PGAP6: variants seen among roughly 807,000 people sequenced by gnomAD.
The protein encoded by PGAP6 is post-GPI attachment to proteins 6.
A neutral mutation model predicts 68.4 loss-of-function variants in PGAP6; 62 were observed. The observed-to-expected ratio is 0.91, with a 90% CI of 0.74 to 1.12. PGAP6 has a LOEUF of 1.12. Ranked by LOEUF, PGAP6 falls within the 50% of genes most tolerant of loss-of-function variation. PGAP6 has a pLI of 0.00. For missense variants in PGAP6, 1,188 were observed against 1,068.5 expected (o/e 1.11, Z -1.56); for synonymous variants, 575 against 474.0 (o/e 1.21, Z -2.77).
Position 376,467 on chromosome 16 carries a change from A to T in PGAP6, c.905-12T>A, listed in dbSNP as rs1179407286. ...CCGTGGCCTGCAAGCTGCCGAGAGG[A>T]CAAGGGGTTTGGCTGGAGGAAAGTC... On this transcript the variant is annotated splice_polypyrimidine_tract_variant and intron_variant, in intron 5 of 12. Transcript: ENST00000431232. 1 of 1,556,078 alleles carries T rather than the reference A, an allele frequency of 6.4e-7. No individual in the cohort carries two copies. The highest frequency in any genetic ancestry group is 1.2e-5 in the South Asian group (1 of 82,028).
upstream of PGAP6, among the ~76,000 whole-genome samples, chr16:386,510 T>C (rs1270156062): frequency 6.6e-6 from 1 of 152,076 alleles, no homozygotes; most frequent in Non-Finnish European, 1.5e-5. Flanking sequence ...GTGCAGACCG[T>C]AACCCTGTCT....
rs982895491 is a variant in PGAP6 at position 374,808 on chromosome 16, G to A, written c.1524C>T (p.Cys508=). 9.9e-6 allele frequency: 16 copies of A among 1,612,792 alleles called. No homozygotes were observed. Among genetic ancestry groups the A allele is most frequent in the Non-Finnish European group, 1.2e-5 (14 of 1,179,958 alleles). ...GGTAGCTGTGTCTGCGGAGCAGGAG[G>A]CACTGGCCATAGGGTCCACAATCGT... ...CLNDCGPYGQ[C]LLLRRHSYLY... is the part of the protein sequence containing the mutation. The change falls in exon 9 of 13, where the codon TGC becomes TGT. Residue 508 remains cysteine (C), a synonymous_variant. Coordinates refer to ENST00000431232, the MANE Select transcript of PGAP6 (RefSeq NM_021259.3).
At position 376,532 on chromosome 16, in the gene PGAP6, T is replaced by C. The variant is rs1268398417; in HGVS notation, c.904+12A>G. ...GGGGCAGGGCCATCCCTCCAGCCCTTGTGCGGCCCACCTGTGAGGGCAGCT... is the reference window on the plus strand; with the variant it reads ...GGGGCAGGGCCATCCCTCCAGCCCTCGTGCGGCCCACCTGTGAGGGCAGCT... On this transcript the variant is annotated intron_variant, in intron 5 of 12. Coordinates refer to ENST00000431232, the MANE Select transcript of PGAP6 (RefSeq NM_021259.3). 6.5e-7 allele frequency: 1 copy of C among 1,543,642 alleles called. No homozygotes were observed. The highest frequency in any genetic ancestry group is 8.7e-7 in the Non-Finnish European group (1 of 1,143,708).
intron 1 of PGAP6, among the ~76,000 whole-genome samples, chr16:379,186 C>T (rs1191553197): frequency 6.6e-6 from 1 of 152,198 alleles, no homozygotes; most frequent in East Asian, 1.9e-4. Context: ...CCCCTCCCCA[C>T]ACACTCAGGA....
intron 6 of PGAP6, 71 bp from the exon 7 acceptor site, chr16:375,506 C>G: frequency 3.1e-6 from 4 of 1,307,866 alleles, no homozygotes; most frequent in Middle Eastern, 5.0e-4. Context: ...GCCCCACGTG[C>G]CAGCTCAGCC....
At chr16:379,579 G>A (rs2141765296) in intron 1 of PGAP6, among the ~76,000 whole-genome samples, 1 of 152,358 alleles carries the variant, frequency 6.6e-6, no homozygotes, top group African/African-American at 2.4e-5. Flanking sequence ...TGCGGGGGCA[G>A]GCAGGGGAGG....
rs778079702 is a variant in PGAP6, at chr16:376,458, G to A, written c.905-3C>T. 7 of 1,558,840 alleles carry A rather than the reference G, an allele frequency of 4.5e-6. No homozygotes were observed. Among genetic ancestry groups the A allele is most frequent in the Non-Finnish European group, 6.1e-6 (7 of 1,150,296 alleles). On this transcript the variant is annotated splice_region_variant and splice_polypyrimidine_tract_variant and intron_variant, in intron 5 of 12. Coordinates refer to ENST00000431232, the MANE Select transcript of PGAP6 (RefSeq NM_021259.3). ...GGTCACGCTCCGTGGCCTGCAAGCT[G>A]CCGAGAGGACAAGGGGTTTGGCTGG...
upstream of PGAP6, chr16:384,185 C>T (rs1314582350): frequency 6.6e-6 from 1 of 152,616 alleles, no homozygotes; most frequent in Non-Finnish European, 1.5e-5. Flanking sequence ...GGGCCCAAGC[C>T]CCCCTCCTCC....
chr16:378,207 G>GCCATCGCTACCCGC (rs1567325676), intron 1 of PGAP6, among the ~76,000 whole-genome samples: 1 of 53,882 alleles, frequency 1.9e-5, no homozygotes, highest in Admixed American at 1.8e-4. Context: ...TCGCCACCCT[G>GCCATCGCTACCCGC]ACTGCCATCG....
rs999605062 is a variant in PGAP6 at position 373,908 on chromosome 16, C to T, written c.1902+97G>A. The T allele has an allele frequency of 3.2e-5, 45 of 1,416,340 alleles. No homozygotes were observed. In the East Asian group the frequency reaches 7.3e-4, roughly 23 times the overall value. 87.7% of individuals were successfully genotyped at this position (1,416,340 alleles called of 1,614,324 possible). A position where few individuals can be genotyped will look rare whatever the true frequency, so the allele number is the denominator to read the frequency against. ...TGAGGTTTCCAGGGGCCGTGCCCAA[C>T]GCCAGGTCCGGCCTCTCCCACGGTA... On this transcript the variant is annotated intron_variant, in intron 11 of 12. Coordinates refer to ENST00000431232, the MANE Select transcript of PGAP6 (RefSeq NM_021259.3).
chr16:378,126 G>C (rs989482827), intron 1 of PGAP6, among the ~76,000 whole-genome samples: 2 of 149,546 alleles, frequency 1.3e-5, no homozygotes, highest in African/African-American at 5.0e-5. Flanking sequence ...ACAAGCCGCA[G>C]GGTACCTCAG....
At chr16:378,495 G>GCCATCGCCACCCAC (rs2054411681) in intron 1 of PGAP6, among the ~76,000 whole-genome samples, 1 of 2,232 alleles carries the variant, frequency 4.5e-4, no homozygotes, top group Non-Finnish European at 9.6e-4. Context: ...TCGCCACTCT[G>GCCATCGCCACCCAC]ACTGCCATCC....
chr16:386,864 C>A, upstream of PGAP6: 1 of 690,144 alleles, frequency 1.4e-6, no homozygotes, highest in Non-Finnish European at 2.6e-6. Flanking sequence ...GTGTCCACAG[C>A]CACATAAAAA....
In PGAP6 at chr16:376,642, A is replaced by G; in HGVS notation, c.806T>C (p.Leu269Pro). 6.2e-7 allele frequency: 1 copy of G among 1,607,248 alleles called. No homozygotes were observed. Among genetic ancestry groups the G allele is most frequent in the Middle Eastern group, 1.8e-4 (1 of 5,688 alleles). Residue 269 changes from leucine (L) to proline (P), a missense_variant, in exon 5 of 13, where the codon CTG (leucine) becomes CCG (proline). Physicochemically the swap from Leu to Pro is moderately conservative, Grantham distance 98. Transcript: ENST00000431232. ...CCACCGGTCCCAGGGCGGTGAGGGC[A>G]GCAGCAGGCGGCAGGGCCAGGGGGC... ...TGAPWPCRLL[L>P]PSPPWDRWLQ...
Position 375,349 on chromosome 16 carries a change from G to A in PGAP6, c.1311C>T (p.Thr437=). 1 of 1,612,888 alleles carries A rather than the reference G, an allele frequency of 6.2e-7. No homozygotes were observed. Residue 437 remains threonine (T), a synonymous_variant, in exon 7 of 13, where the codon ACC becomes ACT. Transcript: ENST00000431232. ...FLGFNTSLNC[T]TAFFQGYPLS... is the part of the protein sequence containing the mutation. Reference sequence around the variant, plus strand: ...GGTGACGCCTGCCCATCATACCTGTGGTGCAGTTGAGCGAAGTATTGAAGC... The same window carrying A: ...GGTGACGCCTGCCCATCATACCTGTAGTGCAGTTGAGCGAAGTATTGAAGC...
intron 9 of PGAP6, 23 bp from the exon 10 acceptor site, chr16:374,422 CG>C: frequency 6.5e-7 from 1 of 1,539,840 alleles, no homozygotes; most frequent in East Asian, 2.3e-5. Context: ...AACCCCGACG[CG>C]GAGGCTGGGG....
chr16:377,532 G>C lies in PGAP6; in HGVS notation c.353C>G (p.Pro118Arg), dbSNP rs529121375. 6.3e-7 allele frequency: 1 copy of C among 1,592,638 alleles called. No homozygotes were observed. The highest frequency in any genetic ancestry group is 8.5e-7 in the Non-Finnish European group (1 of 1,170,180). Residue 118 changes from proline to arginine, a missense_variant, in exon 3 of 13, where the codon CCG (proline) becomes CGG (arginine). Coordinates refer to ENST00000431232, the MANE Select transcript of PGAP6 (RefSeq NM_021259.3). The stretch of plus-strand genomic sequence containing the variant: ...GGAGGGCTGTACCGCGGTGTCGTCC[G>C]GGAAGCTGGTGCCCAGCGGGTTGAT... ...PVINPLGTSF[P>R]DDTAVQPSFQ...
intron 1 of PGAP6, 74 bp from the exon 2 acceptor site, chr16:377,922 A>C (rs1029702200): frequency 5.0e-5 from 69 of 1,379,636 alleles, no homozygotes; most frequent in Non-Finnish European, 6.7e-5. Flanking sequence ...CGAGTCCCCC[A>C]GATGGAAAGG....
At chr16:386,951 G>A (rs1465624061), upstream of PGAP6, 3 of 574,606 alleles carry the variant, frequency 5.2e-6, no homozygotes, top group Admixed American at 5.6e-5. Flanking sequence ...ATCCTTGGAA[G>A]AGCACCCCCA....
Sources: gnomAD v4.1 joint callset for allele counts (sites outside exome capture counted in the v4.1 genomes callset) on GRCh38, gnomAD v4.1.1 for gene constraint, MANE v1.5 for transcripts, NCBI Gene and HGNC (gene_info 2026-07-23, HGNC 2026-07-21) for gene names.